RGPD2: variants seen among roughly 807,000 people sequenced by gnomAD.
RGPD2 encodes RANBP2 like and GRIP domain containing 2, also known as RANBP2-like and GRIP domain-containing protein 2.
A neutral mutation model predicts 36.0 loss-of-function variants in RGPD2; 2 were observed. The ratio of observed to expected loss-of-function variants is 0.06; its 90% confidence interval spans 0.02 to 0.17. The LOEUF is 0.17. Ranked by LOEUF, RGPD2 falls within the 10% of genes least tolerant of loss-of-function variation. The pLI is 1.00. For missense variants in RGPD2, 40 were observed against 464.3 expected (o/e 0.09, Z 8.40); for synonymous variants, 19 against 163.8 (o/e 0.12, Z 6.75).
the RGPD2 span, among the ~76,000 whole-genome samples, chr2:87,875,846 G>A: frequency 1.4e-4 from 21 of 152,180 alleles, no homozygotes; most frequent in Non-Finnish European, 2.5e-4. Flanking sequence ...CTGGTGCTGG[G>A]CTGTTTTTGC....
the RGPD2 span, among the ~76,000 whole-genome samples, chr2:87,915,373 ATTATATATATTG>A: frequency 4.8e-5 from 6 of 126,038 alleles, no homozygotes; most frequent in South Asian, 2.2e-4. Context: ...ATATATGTAT[ATTATATATATTG>A]TATATATATG....
At chr2:87,824,884 GC>G in intron 1 of RGPD2, 1 of 171,116 alleles carries the variant, frequency 5.8e-6, no homozygotes, top group Non-Finnish European at 1.1e-5. Context: ...CGCCGCCGCC[GC>G]CGCACATTAA....
chr2:87,985,532 A>G, the RGPD2 span, among the ~76,000 whole-genome samples: 1 of 152,080 alleles, frequency 6.6e-6, no homozygotes, highest in Non-Finnish European at 1.5e-5. Flanking sequence ...CTCAGTAATT[A>G]TAATCACTAG....
At chr2:87,825,450 G>T (rs1165997274) in intron 1 of RGPD2, among the ~76,000 whole-genome samples, 2 of 92,774 alleles carry the variant, frequency 2.2e-5, no homozygotes, top group Non-Finnish European at 4.8e-5. Context: ...CGCCCGGCCA[G>T]GCCGAGGCCG....
At chr2:87,843,763 G>A in the RGPD2 span, among the ~76,000 whole-genome samples, 4 of 152,118 alleles carry the variant, frequency 2.6e-5, no homozygotes, top group Non-Finnish European at 5.9e-5. Context: ...ACATGCAGAC[G>A]TATGTTTATT....
At chr2:87,876,135 T>G in the RGPD2 span, among the ~76,000 whole-genome samples, 1 of 151,678 alleles carries the variant, frequency 6.6e-6, no homozygotes, top group Admixed American at 6.6e-5. Context: ...GTCTATTTTA[T>G]TTTATTTTAT....
chr2:87,915,387 A>ATATATGTATATTATATATATTG, the RGPD2 span, among the ~76,000 whole-genome samples: 2 of 98,746 alleles, frequency 2.0e-5, no homozygotes, highest in African/African-American at 7.2e-5. Flanking sequence ...TATATATTGT[A>ATATATGTATATTATATATATTG]TATATATGTA....
At chr2:87,956,881 A>G in the RGPD2 span, among the ~76,000 whole-genome samples, 1 of 146,574 alleles carries the variant, frequency 6.8e-6, no homozygotes, top group South Asian at 2.2e-4. Context: ...CAGGATGGCA[A>G]CTTCATGCTG....
the RGPD2 span, among the ~76,000 whole-genome samples, chr2:87,921,741 T>C: frequency 6.6e-6 from 1 of 152,282 alleles, no homozygotes. Flanking sequence ...AGGTTGTCAA[T>C]AGTGTACACT....
chr2:87,886,931 A>G, the RGPD2 span, among the ~76,000 whole-genome samples: 1 of 151,794 alleles, frequency 6.6e-6, no homozygotes, highest in Admixed American at 6.6e-5. Context: ...TTAGAAAGGA[A>G]TCTACCTGGG....
the RGPD2 span, among the ~76,000 whole-genome samples, chr2:87,852,658 A>G: frequency 1.3e-5 from 2 of 152,238 alleles, no homozygotes; most frequent in African/African-American, 4.8e-5. Flanking sequence ...TGTATACTAA[A>G]CATGCTCCCA....
upstream of RGPD2, among the ~76,000 whole-genome samples, chr2:87,829,471 A>C (rs1686914627): frequency 6.6e-6 from 1 of 151,954 alleles, no homozygotes; most frequent in African/African-American, 2.4e-5. Context: ...ACCATTATGA[A>C]GAAATACCTG....
the RGPD2 span, among the ~76,000 whole-genome samples, chr2:87,916,153 T>TATCA: frequency 6.6e-6 from 1 of 152,096 alleles, no homozygotes; most frequent in Admixed American, 6.5e-5. Context: ...ATTTATAATC[T>TATCA]ATCATCGAGA....
the RGPD2 span, among the ~76,000 whole-genome samples, chr2:87,892,347 A>G: frequency 6.6e-6 from 1 of 151,810 alleles, no homozygotes; most frequent in African/African-American, 2.4e-5. Flanking sequence ...GTAAGAAAAT[A>G]TATCCTGGAC....
chr2:87,971,945 C>A, the RGPD2 span, among the ~76,000 whole-genome samples: 25 of 151,266 alleles, frequency 1.7e-4, no homozygotes, highest in African/African-American at 5.8e-4. Context: ...ATACCACCTC[C>A]CAGAACCCAA....
the RGPD2 span, among the ~76,000 whole-genome samples, chr2:87,852,811 A>C: frequency 1.3e-5 from 2 of 152,304 alleles, no homozygotes; most frequent in Non-Finnish European, 2.9e-5. Context: ...TTTATTTAAA[A>C]ACAGCAAATT....
chr2:87,874,653 G>GT, the RGPD2 span, among the ~76,000 whole-genome samples: 4 of 151,470 alleles, frequency 2.6e-5, no homozygotes, highest in Non-Finnish European at 5.9e-5. Context: ...TTGAAGTCAG[G>GT]TAATATGATG....
chr2:87,931,212 A>G, the RGPD2 span, among the ~76,000 whole-genome samples: 23 of 2,422 alleles, frequency 9.5e-3, no homozygotes, highest in South Asian at 0.024. Flanking sequence ...ATTTAATGCT[A>G]TAAATTTCCC....
At chr2:87,943,549 G>A in the RGPD2 span, among the ~76,000 whole-genome samples, 6 of 151,316 alleles carry the variant, frequency 4.0e-5, no homozygotes, top group African/African-American at 1.4e-4. Context: ...GTTCCTTGCT[G>A]GATATATAGT....
Sources: allele counts gnomAD v4.1 joint callset (sites outside exome capture counted in the v4.1 genomes callset), GRCh38; gene constraint gnomAD v4.1.1; transcripts MANE v1.5; gene names NCBI Gene and HGNC (gene_info 2026-07-23, HGNC 2026-07-21).